FREM2: variants seen among roughly 807,000 people sequenced by gnomAD.
FREM2 encodes the protein FRAS1 related extracellular matrix 2.
A neutral mutation model predicts 219.9 loss-of-function variants in FREM2; 119 were observed. The observed-to-expected ratio is 0.54, with a 90% CI of 0.47 to 0.63. FREM2 has a LOEUF of 0.63. Ranked by LOEUF, FREM2 falls within the 30% of genes least tolerant of loss-of-function variation. FREM2 has a pLI of 0.00. For missense variants in FREM2, 4,030 were observed against 3,993.6 expected, an observed-to-expected ratio of 1.01 and a Z score of -0.25; for synonymous variants, 1,562 against 1,522.8, an observed-to-expected ratio of 1.03 and a Z score of -0.60.
chr13:38,775,644 G>C (rs915829423), intron 4 of FREM2, among the ~76,000 whole-genome samples: 4 of 152,162 alleles, frequency 2.6e-5, no homozygotes, highest in African/African-American at 7.2e-5. Flanking sequence ...TTTAGAGGCA[G>C]AGTCTCACTC....
intron 2 of FREM2, among the ~76,000 whole-genome samples, chr13:38,718,870 A>G (rs559489479): frequency 6.6e-6 from 1 of 152,342 alleles, no homozygotes; most frequent in Non-Finnish European, 1.5e-5. Flanking sequence ...CTGGTCACTC[A>G]TTTGATTATT....
chr13:38,845,343 A>G (rs1877110349), intron 6 of FREM2, among the ~76,000 whole-genome samples: 1 of 152,182 alleles, frequency 6.6e-6, no homozygotes, highest in Non-Finnish European at 1.5e-5. Context: ...ATGTGTGGGA[A>G]TTCAATTAGT....
chr13:38,854,215 G>T (rs892699147), intron 11 of FREM2, among the ~76,000 whole-genome samples: 2 of 150,954 alleles, frequency 1.3e-5, no homozygotes, highest in Non-Finnish European at 3.0e-5. Context: ...ATGTGAATGA[G>T]AAAACTTGAC....
chr13:38,691,381 G>A lies in FREM2; in HGVS notation c.4037G>A (p.Gly1346Glu), dbSNP rs761724523. 6 of 1,613,888 alleles carry A rather than the reference G, an allele frequency of 3.7e-6. No homozygotes were observed. In the South Asian group the frequency reaches 6.6e-5, roughly 18 times the overall value. Residue 1346 changes from glycine (G) to glutamate (E), a missense_variant, in exon 1 of 24, where the codon GGG becomes GAG. Gly to Glu is a moderately conservative substitution (Grantham distance 98). Around this residue, in one of 2 missense-constraint regions of FREM2, gnomAD observed 3,102 missense variants for 2,950.7 expected, o/e 1.05. Transcript: ENST00000280481. Reference sequence around the variant, plus strand: ...TCTTTGGTTTATATTATTCGTTATGGGCCAGGACATGGCTTATTACAGAGA... The same window carrying A: ...TCTTTGGTTTATATTATTCGTTATGAGCCAGGACATGGCTTATTACAGAGA... ...DKSLVYIIRY[G>E]PGHGLLQRRK... is the part of the protein sequence containing the mutation.
In FREM2 at chr13:38,765,789, C is replaced by T. The variant is rs557855600; in HGVS notation, c.5410+1339C>T. Among the ~76,000 whole-genome samples the T allele has an allele frequency of 1.3e-5, 2 of 152,208 alleles. 1 individual carries two copies. The highest frequency in any genetic ancestry group is 4.2e-4 in the South Asian group (2 of 4,814). ...CCTGTCTTTGAGGTTGCTCTGGTTGCAGGGGGGCTGGTCTCCCCGCGGCCT... is the reference window on the plus strand; with the variant it reads ...CCTGTCTTTGAGGTTGCTCTGGTTGTAGGGGGGCTGGTCTCCCCGCGGCCT... On this transcript the variant is annotated intron_variant, in intron 3 of 23. Coordinates refer to ENST00000280481, the MANE Select transcript of FREM2 (RefSeq NM_207361.6).
intron 4 of FREM2, among the ~76,000 whole-genome samples, chr13:38,774,169 A>G (rs1414624395): frequency 1.3e-5 from 2 of 152,104 alleles, no homozygotes; most frequent in Non-Finnish European, 2.9e-5. Context: ...ATATGAAAAC[A>G]ACACAGTAAT....
At chr13:38,806,531 T>C (rs947727000) in intron 6 of FREM2, among the ~76,000 whole-genome samples, 1 of 151,588 alleles carries the variant, frequency 6.6e-6, no homozygotes, top group African/African-American at 2.4e-5. Flanking sequence ...CAATAGTCTA[T>C]TAAGTATGCA....
At chr13:38,774,248 G>C (rs936792105) in intron 4 of FREM2, among the ~76,000 whole-genome samples, 14 of 151,948 alleles carry the variant, frequency 9.2e-5, no homozygotes, top group African/African-American at 3.4e-4. Context: ...TATTATATAG[G>C]TGAATAAAAC....
At chr13:38,859,157 C>T (rs532806922) in intron 13 of FREM2, 130 bp from the exon 14 acceptor site, 20 of 814,682 alleles carry the variant, frequency 2.5e-5, no homozygotes, top group African/African-American at 1.7e-4. Flanking sequence ...GATCAAAATT[C>T]GGAAGCTGTA....
At chr13:38,862,026 T>C (rs1877781024) in intron 15 of FREM2, among the ~76,000 whole-genome samples, 2 of 152,226 alleles carry the variant, frequency 1.3e-5, no homozygotes, top group Non-Finnish European at 2.9e-5. Flanking sequence ...GTATTAAATA[T>C]TGTGTCTATT....
rs368557563 is a variant in FREM2, at chr13:38,880,590, C to A, written c.9313C>A (p.Pro3105Thr). The A allele has an allele frequency of 4.3e-6, 7 of 1,613,878 alleles. No homozygotes were observed. The African/African-American group carries it at 9.3e-5, about 22-fold the overall frequency. Residue 3105 changes from proline (P) to threonine (T), a missense_variant, in exon 24 of 24, where the codon CCC (proline) becomes ACC (threonine). Transcript: ENST00000280481. Reference protein sequence around the residue: ...DGILPWELNSPSSAVSLVTVV... With the variant: ...DGILPWELNSTSSAVSLVTVV... The stretch of plus-strand genomic sequence containing the variant: ...CATCCTCCCCTGGGAGCTCAACAGC[C>A]CCAGCTCTGCAGTCAGCCTGGTCAC...
chr13:38,824,027 G>A lies in FREM2; in HGVS notation c.6020-22546G>A, dbSNP rs542517727. On this transcript the variant is annotated intron_variant, in intron 6 of 23. Coordinates refer to ENST00000280481, the MANE Select transcript of FREM2 (RefSeq NM_207361.6). The stretch of plus-strand genomic sequence containing the variant: ...TGAGCTTAAAATTAATGAGAGCTGA[G>A]AATATGAAAATAATGGATAGAGCAT... Among the ~76,000 whole-genome samples, 75 of 152,162 alleles carry A rather than the reference G, an allele frequency of 4.9e-4. 1 individual carries two copies. The highest frequency in any genetic ancestry group is 1.6e-3 in the African/African-American group (68 of 41,532).
At position 38,870,232 on chromosome 13, in the gene FREM2, T is replaced by C. The variant is rs111564742; in HGVS notation, c.7984-2510T>C. On this transcript the variant is annotated intron_variant, in intron 16 of 23. Coordinates refer to ENST00000280481, the MANE Select transcript of FREM2 (RefSeq NM_207361.6). ...TATACTTTGTACACTGATACTCTTT[T>C]ATATGTAAGCCACTCTCAATTATTT... 5.9e-3 allele frequency among the ~76,000 whole-genome samples: 904 copies of C among 152,324 alleles called. 6 individuals carry two copies. The highest frequency in any genetic ancestry group is 0.021 in the African/African-American group (859 of 41,580).
chr13:38,703,648 A>C (rs1163427849), intron 2 of FREM2, among the ~76,000 whole-genome samples: 1 of 152,194 alleles, frequency 6.6e-6, no homozygotes, highest in Non-Finnish European at 1.5e-5. Context: ...TTTTAGATAG[A>C]AAAGTATAAA....
At chr13:38,769,442 A>G (rs539611475) in intron 3 of FREM2, 136 bp from the exon 4 acceptor site, 5 of 764,858 alleles carry the variant, frequency 6.5e-6, no homozygotes, top group East Asian at 2.7e-5. Context: ...CCCATTCCCA[A>G]TTTTCCATTT....
intron 6 of FREM2, among the ~76,000 whole-genome samples, chr13:38,835,330 A>G (rs908584278): frequency 2.6e-5 from 4 of 152,144 alleles, no homozygotes; most frequent in African/African-American, 9.7e-5. Context: ...TACCAGCATC[A>G]TGCTGTTTTT....
chr13:38,780,758 C>T (rs907643776), intron 4 of FREM2, among the ~76,000 whole-genome samples: 3 of 152,140 alleles, frequency 2.0e-5, no homozygotes, highest in African/African-American at 7.2e-5. Context: ...TTTTTGTCTC[C>T]ACTTTGAATT....
intron 6 of FREM2, among the ~76,000 whole-genome samples, chr13:38,787,836 A>G (rs1874394687): frequency 6.6e-6 from 1 of 151,778 alleles, no homozygotes; most frequent in Non-Finnish European, 1.5e-5. Flanking sequence ...TTAAAAATGC[A>G]ATGGTCAGTC....
chr13:38,784,584 C>T lies in FREM2; in HGVS notation c.5795C>T (p.Ser1932Phe), dbSNP rs537489361. Reference sequence around the variant, plus strand: ...ACAGCAACTGGAACTGTGCCGACTTCCGTGTTGTCTTACTCTGATTACATA... The same window carrying T: ...ACAGCAACTGGAACTGTGCCGACTTTCGTGTTGTCTTACTCTGATTACATA... ...QGTATGTVPTSVLSYSDYISR... is the reference protein window; with the variant it reads ...QGTATGTVPTFVLSYSDYISR... The change falls in exon 6 of 24, where the codon TCC becomes TTC. Residue 1932 changes from serine (S) to phenylalanine (F), a missense_variant. Around this residue, in one of 2 missense-constraint regions of FREM2, gnomAD observed 3,102 missense variants for 2,950.7 expected, o/e 1.05. Transcript: ENST00000280481. The T allele has an allele frequency of 2.5e-6, 4 of 1,614,198 alleles. No individual in the cohort carries two copies. The African/African-American group carries it at 4.0e-5, about 16-fold the overall frequency.
Sources: gnomAD v4.1 joint callset for allele counts (sites outside exome capture counted in the v4.1 genomes callset) on GRCh38, gnomAD v4.1.1 for gene constraint, gnomAD v4.1.1 regional missense constraint, MANE v1.5 for transcripts, NCBI Gene and HGNC (gene_info 2026-07-23, HGNC 2026-07-21) for gene names.